The following MYH7B variants were observed in gnomAD, a reference collection of about 807,000 sequenced individuals.
The protein encoded by MYH7B is myosin-7B.
A neutral mutation model predicts 234.5 loss-of-function variants in MYH7B; 205 were observed. The ratio of observed to expected loss-of-function variants is 0.87; its 90% CI spans 0.78 to 0.98. The LOEUF is 0.98. Among genes scored for constraint, MYH7B ranks in the 50% least tolerant of loss-of-function variants. The pLI is 0.00. For missense variants in MYH7B, 2,652 were observed against 2,633.4 expected (o/e 1.01, Z -0.15); for synonymous variants, 1,193 against 1,105.0 (o/e 1.08, Z -1.58).
chr20:34,980,346 C>T (rs973168073), intron 7 of MYH7B: 12 of 448,394 alleles, frequency 2.7e-5, no homozygotes, highest in African/African-American at 1.8e-4. Context: ...GTCAGAAGTT[C>T]GAGACCAGCC....
intron 19 of MYH7B, among the ~76,000 whole-genome samples, chr20:34,989,146 T>C (rs1569046532): frequency 6.6e-6 from 1 of 152,250 alleles, no homozygotes; most frequent in Non-Finnish European, 1.5e-5. Flanking sequence ...TTTCATTTCA[T>C]ATCCTACTTT....
intron 9 of MYH7B, chr20:34,982,057 A>G (rs1482395736): frequency 5.9e-6 from 1 of 169,448 alleles, no homozygotes; most frequent in Non-Finnish European, 1.3e-5. Context: ...TAAATAAAAA[A>G]TCCTACCTAC....
At chr20:34,969,540 CTTTTTT>C (rs770172832) in intron 2 of MYH7B, among the ~76,000 whole-genome samples, 3 of 126,780 alleles carry the variant, frequency 2.4e-5, no homozygotes, top group African/African-American at 9.0e-5. Context: ...TCTTCTGCTC[CTTTTTT>C]TTTTTTTTTT....
chr20:34,970,169 T>C (rs1394595658), intron 2 of MYH7B, among the ~76,000 whole-genome samples: 2 of 152,144 alleles, frequency 1.3e-5, no homozygotes, highest in East Asian at 3.9e-4. Flanking sequence ...ATGCCCTCCC[T>C]CTTCCTAAGG....
chr20:34,985,132 G>A lies in MYH7B; in HGVS notation c.805+3G>A. On this transcript the variant is annotated splice_donor_region_variant and intron_variant, in intron 13 of 44. Transcript: ENST00000262873. ...GGCATCCGCGGATATTGACAGCTGT[G>A]AGTCAACCCCCTGCGGGCGGTGCAG... 2 of 1,614,014 alleles carry A rather than the reference G, an allele frequency of 1.2e-6. No individual in the cohort carries two copies. The highest frequency in any genetic ancestry group is 1.7e-6 in the Non-Finnish European group (2 of 1,179,902).
Position 34,999,764 on chromosome 20 carries a change from C to G in MYH7B, c.4666-27C>G, listed in dbSNP as rs547607853. ...TCCACTGGCCATCCCCCCCCCCCAC[C>G]CTACCCTGCCTGCTCTGTATCCACA... On this transcript the variant is annotated intron_variant, in intron 37 of 44. Transcript: ENST00000262873. The G allele has an allele frequency of 3.6e-5, 42 of 1,182,404 alleles. 1 individual carries two copies. Among genetic ancestry groups the G allele is most frequent in the Middle Eastern group, 2.1e-4 (1 of 4,674 alleles). The allele number at this position is 1,182,404 out of a possible 1,614,324, so 73.2% of individuals were successfully genotyped here.
In MYH7B at chr20:34,958,115, C is replaced by T. The variant is rs74516190; in HGVS notation, c.-319C>T. ...CTGTGCAGGTTCCCCTCTTCCAAGA[C>T]GGGTGCCAAGTGATGAGTATCAGGT... On this transcript the variant is annotated 5_prime_UTR_variant, in exon 2 of 45. It adds an upstream start codon to the 5' untranslated region. Coordinates refer to ENST00000262873, the Ensembl canonical transcript of MYH7B. 5.1e-3 allele frequency among the ~76,000 whole-genome samples: 776 copies of T among 152,292 alleles called. 4 individuals are homozygous for T. Among genetic ancestry groups the T allele is most frequent in the African/African-American group, 0.018 (740 of 41,552 alleles).
At chr20:35,001,660 A>C (rs1261697999) in intron 43 of MYH7B, 134 bp downstream of exon 43, 2 of 845,396 alleles carry the variant, frequency 2.4e-6, no homozygotes, top group South Asian at 1.8e-5. Context: ...AGCTTCTAAC[A>C]TCTCTGGGGA....
Position 34,991,914 on chromosome 20 carries a change from C to T in MYH7B, c.2183+793C>T, listed in dbSNP as rs150758330. ...CAGGCGTATGCCTGCCATCGTCATC[C>T]GTTTTTCTTGGCTGTGAAACATCTC... On this transcript the variant is annotated intron_variant, in intron 24 of 44. Transcript: ENST00000262873. Among the ~76,000 whole-genome samples the T allele has an allele frequency of 1.9e-3, 284 of 152,332 alleles. 1 individual carries two copies. The highest frequency in any genetic ancestry group is 6.0e-3 in the African/African-American group (249 of 41,568).
At position 34,998,852 on chromosome 20, in the gene MYH7B, C is replaced by T. The variant is rs373271934; in HGVS notation, c.4127C>T (p.Ala1376Val). Reference sequence around the variant, plus strand: ...CTGTCCAAGGCCAATGCCGAGGTGGCCCAGTGGAGGAGCAAGTACGAAGCA... The same window carrying T: ...CTGTCCAAGGCCAATGCCGAGGTGGTCCAGTGGAGGAGCAAGTACGAAGCA... The change falls in exon 35 of 45, where the codon GCC becomes GTC. Residue 1376 changes from alanine (A) to valine (V), a missense_variant. By Grantham distance (64) the Ala-to-Val change is moderately conservative. Around this residue, in one of 3 missense-constraint regions of MYH7B, gnomAD observed 2,279 missense variants for 2,211.4 expected, o/e 1.03. Transcript: ENST00000262873. 7.4e-6 allele frequency: 12 copies of T among 1,613,250 alleles called. No individual in the cohort carries two copies. The African/African-American group carries it at 1.2e-4, about 16-fold the overall frequency.
In MYH7B at chr20:34,987,648, C is replaced by A. The variant is rs754743371; in HGVS notation, c.1239C>A (p.Tyr413Ter). 200 of 1,613,482 alleles carry A rather than the reference C, an allele frequency of 1.2e-4. No individual in the cohort carries two copies. The highest frequency in any genetic ancestry group is 1.7e-4 in the Non-Finnish European group (199 of 1,179,752). The change falls in exon 17 of 45, where the codon TAC (tyrosine) becomes TAA (stop). Residue 413 changes from tyrosine (Y) to a stop codon, truncating the protein, a stop_gained. Coordinates refer to ENST00000262873, the Ensembl canonical transcript of MYH7B. LOFTEE classifies it high-confidence loss of function. ...CCCGGGTGCGTGTAGGGAACGAGTA[C>A]GTGACCAAGGGCCAGAGTGTGGAGC... is the stretch of plus-strand genomic sequence containing the variant.
At chr20:34,984,363 T>C (rs1176120981) in intron 10 of MYH7B, among the ~76,000 whole-genome samples, 2 of 152,110 alleles carry the variant, frequency 1.3e-5, no homozygotes, top group Non-Finnish European at 2.9e-5. Flanking sequence ...TGGAGGGCCC[T>C]AGATTTTAGT....
exon 19 of MYH7B, chr20:34,988,112 G>T (rs775514065): frequency 8.1e-6 from 13 of 1,613,766 alleles, no homozygotes. Context: ...TCGAACAGCT[G>T]TGCATCAACT....
At chr20:34,996,213 G>T (rs2082252806) in intron 28 of MYH7B, 133 bp from the exon 29 acceptor site, 2 of 1,053,300 alleles carry the variant, frequency 1.9e-6, no homozygotes, top group Admixed American at 5.4e-5. Context: ...GGCAGAAGCG[G>T]TGGAGGCTCG....
chr20:34,977,731 C>CGGGGGGGGGGG, intron 4 of MYH7B, 51 bp downstream of exon 4: 1 of 146,972 alleles, frequency 6.8e-6, no homozygotes, highest in Non-Finnish European at 1.1e-5. Context: ...GGAGGGTGGG[C>CGGGGGGGGGGG]GGGTGGGTGA....
At chr20:34,987,280 C>T (rs1470790834) in exon 16 of MYH7B, 3 of 1,610,514 alleles carry the variant, frequency 1.9e-6, no homozygotes, top group Non-Finnish European at 2.5e-6. Flanking sequence ...AGGCCGATGG[C>T]ACTGAGAGTG....
intron 28 of MYH7B, 43 bp downstream of exon 28, chr20:34,995,621 G>A (rs1222076495): frequency 6.2e-7 from 1 of 1,605,814 alleles, no homozygotes; most frequent in Non-Finnish European, 8.5e-7. Context: ...TGAGCCAGGG[G>A]CCAGCTTTGG....
At chr20:34,995,301 T>A in intron 27 of MYH7B, 35 bp from the exon 28 acceptor site, 1 of 1,595,384 alleles carries the variant, frequency 6.3e-7, no homozygotes, top group Non-Finnish European at 8.5e-7. Context: ...TACCTGGCCC[T>A]CCCCCAACCT....
intron 27 of MYH7B, 78 bp from the exon 28 acceptor site, chr20:34,995,257 CT>C (rs2082232700): frequency 3.1e-5 from 45 of 1,470,776 alleles, no homozygotes; most frequent in Admixed American, 2.8e-4. Context: ...GCAGTTTCCT[CT>C]CCAGGGCCTG....
Sources: allele counts gnomAD v4.1 joint callset (sites outside exome capture counted in the v4.1 genomes callset), GRCh38; gene constraint gnomAD v4.1.1; regional missense constraint gnomAD v4.1.1; transcripts MANE v1.5; gene names NCBI Gene and HGNC (gene_info 2026-07-23, HGNC 2026-07-21).